ARID1B: variants seen among roughly 807,000 people sequenced by gnomAD.
ARID1B encodes the protein AT-rich interaction domain 1B, also known as AT-rich interactive domain-containing protein 1B.
Under a neutral mutation model 212.3 loss-of-function variants are expected in ARID1B, and 30 were observed. The ratio of observed to expected loss-of-function variants is 0.14; its 90% CI spans 0.11 to 0.19. ARID1B has a LOEUF of 0.19. Ranked by LOEUF, ARID1B falls within the 10% of genes least tolerant of loss-of-function variation. The probability of loss-of-function intolerance (pLI) is 1.00; values close to 1 mark genes in which losing one functional copy is unlikely to be tolerated. For missense variants in ARID1B, 2,891 were observed against 3,204.0 expected, an observed-to-expected ratio of 0.90 and a Z score of 2.36; for synonymous variants, 1,402 against 1,301.7, an observed-to-expected ratio of 1.08 and a Z score of -1.66.
At chr6:156,906,314 G>A (rs1201060947) in intron 3 of ARID1B, among the ~76,000 whole-genome samples, 5 of 151,950 alleles carry the variant, frequency 3.3e-5, no homozygotes, top group Admixed American at 2.6e-4. Flanking sequence ...TTGGGAGGCC[G>A]AGGTGGGTGG....
At chr6:157,009,989 A>C (rs1481647988) in intron 4 of ARID1B, among the ~76,000 whole-genome samples, 1 of 152,226 alleles carries the variant, frequency 6.6e-6, no homozygotes, top group Non-Finnish European at 1.5e-5. Context: ...TTTATGAAGC[A>C]ATTTTTTAGT....
intron 4 of ARID1B, among the ~76,000 whole-genome samples, chr6:156,993,204 G>C (rs1778371244): frequency 6.6e-6 from 1 of 152,038 alleles, no homozygotes; most frequent in Non-Finnish European, 1.5e-5. Flanking sequence ...ATCATGCCTG[G>C]CTAATTTTTG....
At chr6:156,847,764 TAAGTA>T (rs986956256) in intron 2 of ARID1B, among the ~76,000 whole-genome samples, 3 of 152,294 alleles carry the variant, frequency 2.0e-5, no homozygotes, top group South Asian at 2.1e-4. Context: ...AGAGGCAAGT[TAAGTA>T]AAGTATTTTA....
chr6:156,988,876 A>G (rs368835330), intron 4 of ARID1B, among the ~76,000 whole-genome samples: 1 of 152,238 alleles, frequency 6.6e-6, no homozygotes, highest in Non-Finnish European at 1.5e-5. Context: ...AATGGCAGCC[A>G]GTATTCATGA....
chr6:156,901,310 C>A, intron 2 of ARID1B, 66 bp from the exon 3 acceptor site: 1 of 1,574,294 alleles, frequency 6.4e-7, no homozygotes. Context: ...TGAATTGAAA[C>A]CATATTTGAT....
chr6:156,880,404 A>T (rs1786948383), intron 2 of ARID1B, among the ~76,000 whole-genome samples: 4 of 152,194 alleles, frequency 2.6e-5, no homozygotes, highest in African/African-American at 9.7e-5. Context: ...ATAGAGTAGG[A>T]AACAGTTATT....
intron 5 of ARID1B, among the ~76,000 whole-genome samples, chr6:157,098,015 C>T (rs892714815): frequency 3.3e-5 from 5 of 152,184 alleles, no homozygotes; most frequent in Non-Finnish European, 7.3e-5. Flanking sequence ...ACAAGTCTTT[C>T]ATCTGTCACT....
At chr6:157,010,562 C>T (rs552230313) in intron 4 of ARID1B, among the ~76,000 whole-genome samples, 111 of 151,778 alleles carry the variant, frequency 7.3e-4, no homozygotes, top group Non-Finnish European at 1.4e-3. Context: ...CCTCATGATC[C>T]GCCCACTTCA....
chr6:157,163,392 G>GC (rs1321616331), intron 8 of ARID1B, among the ~76,000 whole-genome samples: 1 of 152,196 alleles, frequency 6.6e-6, no homozygotes, highest in Admixed American at 6.5e-5. Context: ...TCCATCCACA[G>GC]CCCGCTGTCT....
At chr6:156,822,090 C>T (rs1322555488) in intron 1 of ARID1B, among the ~76,000 whole-genome samples, 2 of 152,024 alleles carry the variant, frequency 1.3e-5, no homozygotes, top group Admixed American at 6.5e-5. Context: ...GTGATCTGCC[C>T]GCCTCAGCCT....
intron 4 of ARID1B, among the ~76,000 whole-genome samples, chr6:157,083,454 G>A (rs1483004005): frequency 2.0e-5 from 3 of 152,170 alleles, no homozygotes; most frequent in Non-Finnish European, 4.4e-5. Context: ...GCCATGGGGG[G>A]CACACCAGTG....
At chr6:157,012,094 C>A (rs11156134) in intron 4 of ARID1B, among the ~76,000 whole-genome samples, 46,370 of 152,030 alleles carry the variant, frequency 0.31, 7,216 homozygotes, top group Non-Finnish European at 0.32. Flanking sequence ...ATAAGATGAA[C>A]ACATTTTAAA....
At chr6:157,123,194 CTCTG>C (rs1232085329) in intron 6 of ARID1B, among the ~76,000 whole-genome samples, 1 of 150,602 alleles carries the variant, frequency 6.6e-6, no homozygotes, top group African/African-American at 2.5e-5. Flanking sequence ...CTGTCTCTGT[CTCTG>C]TCTCTCTCTC....
chr6:157,190,151 A>T lies in ARID1B; in HGVS notation c.4172A>T (p.Asp1391Val), dbSNP rs1303872467. ...APYQQGMSMPDVMGRMPYEPN... is the reference protein window; with the variant it reads ...APYQQGMSMPVVMGRMPYEPN... ...TACCAGCAGGGCATGAGCATGCCCG[A>T]TGTGATGGGCAGGATGCCCTATGAG... The change falls in exon 15 of 20, where the codon GAT becomes GTT. Residue 1391 changes from aspartate (D) to valine (V), a missense_variant. Coordinates refer to ENST00000636930, the MANE Select transcript of ARID1B (RefSeq NM_001374828.1). This position sits in a 1 kb window ranked among gnomAD's most constrained non-coding sequence, Gnocchi z 4.6. The T allele has an allele frequency of 6.2e-7, 1 of 1,614,112 alleles. No individual in the cohort carries two copies. The highest frequency in any genetic ancestry group is 1.1e-5 in the South Asian group (1 of 91,088).
intron 5 of ARID1B, among the ~76,000 whole-genome samples, chr6:157,091,231 A>G (rs1376452927): frequency 1.3e-5 from 2 of 152,174 alleles, no homozygotes; most frequent in African/African-American, 4.8e-5. Flanking sequence ...AACCAGCCAT[A>G]ATGAATCTGT....
chr6:157,084,531 C>CT (rs1784840197), intron 4 of ARID1B, 131 bp from the exon 5 acceptor site: 6 of 1,195,206 alleles, frequency 5.0e-6, no homozygotes, highest in African/African-American at 1.5e-5. Flanking sequence ...AGTGGCCATG[C>CT]TTTTTTATTT....
intron 1 of ARID1B, among the ~76,000 whole-genome samples, chr6:156,782,763 A>G (rs1439462645): frequency 6.6e-6 from 1 of 152,158 alleles, no homozygotes; most frequent in African/African-American, 2.4e-5. Context: ...TATATTTGCC[A>G]AAGTATGGAT....
intron 4 of ARID1B, among the ~76,000 whole-genome samples, chr6:157,063,526 G>A (rs1450990139): frequency 6.6e-6 from 1 of 152,050 alleles, no homozygotes; most frequent in Non-Finnish European, 1.5e-5. Context: ...TACTTGACTT[G>A]CCTATAGAAT....
At chr6:156,923,768 A>G (rs1436009145) in intron 3 of ARID1B, among the ~76,000 whole-genome samples, 1 of 151,222 alleles carries the variant, frequency 6.6e-6, no homozygotes, top group Non-Finnish European at 1.5e-5. Context: ...GCAGTGGTAC[A>G]ATCTCGGCTC....
Sources: allele counts gnomAD v4.1 joint callset (sites outside exome capture counted in the v4.1 genomes callset), GRCh38; gene constraint gnomAD v4.1.1; non-coding constraint Gnocchi (gnomAD v3.1); transcripts MANE v1.5; gene names NCBI Gene and HGNC (gene_info 2026-07-23, HGNC 2026-07-21).